The following MLLT10 variants were observed in gnomAD, a reference collection of about 807,000 sequenced individuals.
MLLT10 encodes the protein protein AF-10.
In MLLT10, 30 loss-of-function variants were observed where a neutral mutation model predicts 129.1. That is an observed-to-expected ratio of 0.23 (90% CI 0.17 to 0.32). The LOEUF (loss-of-function observed/expected upper bound fraction) is 0.32, where lower values mean the gene tolerates loss of function less well. Among genes scored for constraint, MLLT10 ranks in the 10% least tolerant of loss-of-function variants. The pLI is 1.00. For missense variants in MLLT10, 1,119 were observed against 1,268.3 expected (o/e 0.88, Z 1.79); for synonymous variants, 490 against 446.4 (o/e 1.10, Z -1.23).
rs185260141 is a variant in MLLT10, at chr10:21,673,817, G to T, written c.1519G>T (p.Ala507Ser). The change falls in exon 11 of 23, where the codon GCT becomes TCT. Residue 507 changes from alanine (A) to serine (S), a missense_variant. Ala to Ser is a moderately conservative substitution (Grantham distance 99). This residue lies in a region of MLLT10 where 1,004 missense variants were observed against 1,008.7 expected (regional missense o/e 1.00). Transcript: ENST00000307729. ...SASPTSSVASAAGSITSSSLQ... is the reference protein window; with the variant it reads ...SASPTSSVASSAGSITSSSLQ... ...TTCACCAACATCATCTGTAGCATCAGCTGCAGGAAGCATAACAAGCTCTAG... is the reference window on the plus strand; with the variant it reads ...TTCACCAACATCATCTGTAGCATCATCTGCAGGAAGCATAACAAGCTCTAG... 1 of 1,614,138 alleles carries T rather than the reference G, an allele frequency of 6.2e-7. No individual in the cohort carries two copies. The highest frequency in any genetic ancestry group is 1.7e-5 in the Admixed American group (1 of 60,020).
At chr10:21,548,737 T>A (rs1397518750) in intron 3 of MLLT10, among the ~76,000 whole-genome samples, 1 of 152,220 alleles carries the variant, frequency 6.6e-6, no homozygotes, top group Non-Finnish European at 1.5e-5. Context: ...TTATTTTTAA[T>A]TCAGTGAATT....
chr10:21,634,951 T>C (rs954984405), intron 8 of MLLT10, among the ~76,000 whole-genome samples: 1 of 152,216 alleles, frequency 6.6e-6, no homozygotes, highest in African/African-American at 2.4e-5. Context: ...GCTTATCTTG[T>C]CTTCTTTTCT....
chr10:21,695,061 C>CTTTTTTTTTTTTTTTTTT (rs71393922), intron 13 of MLLT10, among the ~76,000 whole-genome samples: 1 of 104,034 alleles, frequency 9.6e-6, no homozygotes, highest in African/African-American at 3.7e-5. Flanking sequence ...TTTCTACCTT[C>CTTTTTTTTTTTTTTTTTT]TTTTTTTTTT....
chr10:21,715,103 A>G (rs1357283533), intron 14 of MLLT10, among the ~76,000 whole-genome samples: 1 of 152,260 alleles, frequency 6.6e-6, no homozygotes, highest in Non-Finnish European at 1.5e-5. Context: ...ATAGTTGTTT[A>G]TAAGTTCCTG....
intron 4 of MLLT10, 54 bp downstream of exon 4, chr10:21,586,402 T>C: frequency 8.3e-7 from 1 of 1,198,404 alleles, no homozygotes; most frequent in Non-Finnish European, 1.2e-6. Context: ...GACAGTGGAG[T>C]ATTTTCAAAT....
intron 3 of MLLT10, among the ~76,000 whole-genome samples, chr10:21,573,440 C>A (rs2131043240): frequency 6.6e-6 from 1 of 152,250 alleles, no homozygotes; most frequent in South Asian, 2.1e-4. Context: ...GAGTAGCTTC[C>A]TGAGGGTTTG....
At chr10:21,716,495 C>G (rs1048175676) in intron 14 of MLLT10, among the ~76,000 whole-genome samples, 36 of 152,036 alleles carry the variant, frequency 2.4e-4, no homozygotes, top group Non-Finnish European at 3.2e-4. Flanking sequence ...GAGTTCAAGA[C>G]CAGCCTGGCC....
At chr10:21,677,816 G>A (rs1321307507) in intron 11 of MLLT10, among the ~76,000 whole-genome samples, 5 of 152,142 alleles carry the variant, frequency 3.3e-5, no homozygotes, top group Admixed American at 2.0e-4. Context: ...TAGTAATGTC[G>A]AAGATGACCT....
intron 13 of MLLT10, among the ~76,000 whole-genome samples, chr10:21,684,535 T>C (rs928326318): frequency 2.6e-5 from 4 of 152,188 alleles, no homozygotes; most frequent in African/African-American, 9.6e-5. Context: ...TTGATCAGTT[T>C]AACTTCTTTT....
intron 9 of MLLT10, among the ~76,000 whole-genome samples, chr10:21,669,204 T>C (rs2051140219): frequency 6.6e-6 from 1 of 152,100 alleles, no homozygotes; most frequent in Non-Finnish European, 1.5e-5. Flanking sequence ...AAATATTTCT[T>C]CTATTTAATG....
chr10:21,578,580 A>G (rs1437725041), intron 3 of MLLT10, among the ~76,000 whole-genome samples: 1 of 152,122 alleles, frequency 6.6e-6, no homozygotes, highest in Non-Finnish European at 1.5e-5. Flanking sequence ...CTAAAGTTGT[A>G]TAGTTTTAGC....
intron 2 of MLLT10, among the ~76,000 whole-genome samples, chr10:21,535,121 T>TGGGGGCGGGGGCGGGGGC (rs913075814): frequency 4.7e-5 from 4 of 85,276 alleles, no homozygotes; most frequent in Non-Finnish European, 1.0e-4. Context: ...TGGGCCGGGG[T>TGGGGGCGGGGGCGGGGGC]GGGGGCGGGG....
intron 3 of MLLT10, chr10:21,564,338 G>A (rs190429238): frequency 2.6e-5 from 4 of 152,114 alleles, no homozygotes; most frequent in African/African-American, 7.2e-5. Context: ...CCATGCTCCC[G>A]ACTGGTCTCC....
chr10:21,592,186 G>C (rs1202452492), intron 4 of MLLT10, among the ~76,000 whole-genome samples: 1 of 152,116 alleles, frequency 6.6e-6, no homozygotes, highest in Non-Finnish European at 1.5e-5. Context: ...GTAAATGAGT[G>C]TGAAGGCATT....
chr10:21,637,150 T>C (rs1363883542), intron 8 of MLLT10, among the ~76,000 whole-genome samples: 2 of 152,166 alleles, frequency 1.3e-5, no homozygotes, highest in African/African-American at 4.8e-5. Context: ...GAGGATTCAG[T>C]TGGCAAAATC....
rs1361017381 is a variant in MLLT10, at chr10:21,635,801, A to T, written c.700-15872A>T. 6.0e-5 allele frequency among the ~76,000 whole-genome samples: 9 copies of T among 150,078 alleles called. No homozygotes were observed. The Middle Eastern group carries it at 0.011, about 177-fold the overall frequency. On this transcript the variant is annotated intron_variant, in intron 8 of 22. Transcript: ENST00000307729. ...GAGTGCAATGGTGCAATCTCAGCTC[A>T]CTGCCACCTCCGCCTCCCGGGTTCA...
intron 3 of MLLT10, among the ~76,000 whole-genome samples, chr10:21,556,377 GAAAT>G (rs1212217723): frequency 6.6e-6 from 1 of 152,164 alleles, no homozygotes; most frequent in Non-Finnish European, 1.5e-5. Context: ...TAGTAAGAGA[GAAAT>G]ATATCTGATC....
At chr10:21,651,897 TC>T in intron 9 of MLLT10, 129 bp downstream of exon 9, 1 of 296,924 alleles carries the variant, frequency 3.4e-6, no homozygotes, top group South Asian at 5.2e-5. Context: ...CTTAGAATTC[TC>T]ATTTCTTTTT....
At chr10:21,691,726 C>T (rs1472211640) in intron 13 of MLLT10, among the ~76,000 whole-genome samples, 1 of 151,932 alleles carries the variant, frequency 6.6e-6, no homozygotes, top group East Asian at 1.9e-4. Flanking sequence ...TTTATATATT[C>T]AGCTATATTT....
Sources: allele counts gnomAD v4.1 joint callset (sites outside exome capture counted in the v4.1 genomes callset), GRCh38; gene constraint gnomAD v4.1.1; regional missense constraint gnomAD v4.1.1; transcripts MANE v1.5; gene names NCBI Gene and HGNC (gene_info 2026-07-23, HGNC 2026-07-21).